SOX6: variants seen among roughly 807,000 people sequenced by gnomAD.
SOX6 encodes transcription factor SOX-6.
In SOX6, 11 loss-of-function variants were observed where a neutral mutation model predicts 97.8. The ratio of observed to expected loss-of-function variants is 0.11; its 90% CI spans 0.07 to 0.19. The LOEUF is 0.19. Ranked by LOEUF, SOX6 falls within the 10% of genes least tolerant of loss-of-function variation. SOX6 has a pLI of 1.00. For missense variants in SOX6, 810 were observed against 1,039.5 expected (o/e 0.78, Z 3.04); for synonymous variants, 360 against 371.4 (o/e 0.97, Z 0.35).
chr11:16,177,907 C>T (rs1299201970), intron 6 of SOX6, among the ~76,000 whole-genome samples: 1 of 151,896 alleles, frequency 6.6e-6, no homozygotes, highest in African/African-American at 2.4e-5. Flanking sequence ...ACTGGTTTCC[C>T]TGAATTTTTA....
intron 12 of SOX6, among the ~76,000 whole-genome samples, chr11:16,017,464 C>G (rs959032786): frequency 1.3e-5 from 2 of 151,954 alleles, no homozygotes; most frequent in African/African-American, 4.8e-5. Flanking sequence ...AAAGAAGGAC[C>G]CTGCAAAGCC....
intron 4 of SOX6, among the ~76,000 whole-genome samples, chr11:16,513,036 A>C (rs946145893): frequency 2.0e-5 from 3 of 152,210 alleles, no homozygotes; most frequent in Admixed American, 6.5e-5. Flanking sequence ...AACCTGAAAA[A>C]AGTAAATCAG....
chr11:16,346,203 T>C (rs2134349307), intron 1 of SOX6, among the ~76,000 whole-genome samples: 2 of 152,146 alleles, frequency 1.3e-5, no homozygotes, highest in South Asian at 4.1e-4. Flanking sequence ...CTTGAGCTGA[T>C]ATTGAGAAAT....
chr11:16,658,386 C>T (rs920473354), intron 3 of SOX6, among the ~76,000 whole-genome samples: 1 of 152,154 alleles, frequency 6.6e-6, no homozygotes, highest in African/African-American at 2.4e-5. Flanking sequence ...ATGTTCTATA[C>T]TAATCCTTTG....
chr11:16,484,110 G>A, intron 4 of SOX6: 1 of 770,458 alleles, frequency 1.3e-6, no homozygotes, highest in Non-Finnish European at 2.4e-6. Flanking sequence ...AGGTACAGGT[G>A]ACACTCAATC....
At chr11:16,239,391 C>A (rs776903599) in intron 3 of SOX6, among the ~76,000 whole-genome samples, 1 of 151,988 alleles carries the variant, frequency 6.6e-6, no homozygotes, top group Non-Finnish European at 1.5e-5. Context: ...TGTTTTCAGG[C>A]CTGCTCTTCA....
At chr11:16,381,696 C>T (rs549771555) in intron 1 of SOX6, among the ~76,000 whole-genome samples, 19 of 151,878 alleles carry the variant, frequency 1.3e-4, no homozygotes, top group African/African-American at 4.1e-4. Context: ...ATGCTTGAAA[C>T]CTTTTCTTTT....
intron 13 of SOX6, among the ~76,000 whole-genome samples, chr11:16,002,853 G>T (rs1181171490): frequency 6.6e-6 from 1 of 152,184 alleles, no homozygotes; most frequent in Non-Finnish European, 1.5e-5. Flanking sequence ...AAAGCAAGAT[G>T]AAGCAAGTCT....
intron 2 of SOX6, among the ~76,000 whole-genome samples, chr11:16,726,869 C>T (rs918088540): frequency 1.3e-5 from 2 of 152,112 alleles, no homozygotes; most frequent in African/African-American, 2.4e-5. Context: ...AGATATTAAC[C>T]GTGATAACCT....
chr11:15,986,347 G>A lies in SOX6; in HGVS notation c.2040C>T (p.Ile680=), dbSNP rs199839322. ...TATAGTTTGGGTACTTCTCTAAGTG[G>A]ATCTTGCTTAGCCGGGCCTGCTCTT... ...YYEEQARLSK[I]HLEKYPNYKY... is the part of the protein sequence containing the mutation. The change falls in exon 15 of 16, where the codon ATC becomes ATT. Residue 680 remains isoleucine, a synonymous_variant. Coordinates refer to ENST00000683767, the MANE Select transcript of SOX6 (RefSeq NM_001367873.1). The A allele has an allele frequency of 1.4e-5, 23 of 1,613,960 alleles. No individual in the cohort carries two copies. Among genetic ancestry groups the A allele is most frequent in the Middle Eastern group, 3.3e-4 (2 of 6,084 alleles).
At chr11:16,589,415 G>A (rs1167987503) in intron 4 of SOX6, among the ~76,000 whole-genome samples, 1 of 152,166 alleles carries the variant, frequency 6.6e-6, no homozygotes, top group East Asian at 1.9e-4. Flanking sequence ...GTAAAGAAAA[G>A]AGAATGATTG....
intron 1 of SOX6, among the ~76,000 whole-genome samples, chr11:16,443,006 T>A (rs1590205547): frequency 6.6e-6 from 1 of 152,134 alleles, no homozygotes; most frequent in African/African-American, 2.4e-5. Flanking sequence ...CTGCCCCACA[T>A]GCAGCAATCA....
intron 3 of SOX6, among the ~76,000 whole-genome samples, chr11:16,272,332 TC>T (rs2134231137): frequency 6.6e-6 from 1 of 151,746 alleles, no homozygotes; most frequent in South Asian, 2.1e-4. Flanking sequence ...TCTATCCACT[TC>T]ACAAATGATT....
chr11:16,404,514 A>G (rs141036935), intron 1 of SOX6, among the ~76,000 whole-genome samples: 108 of 152,052 alleles, frequency 7.1e-4, no homozygotes, highest in African/African-American at 2.5e-3. Flanking sequence ...ATAGAAAGCC[A>G]TTTTTTAAAA....
At chr11:16,001,484 T>C (rs535027993) in intron 13 of SOX6, among the ~76,000 whole-genome samples, 343 of 152,262 alleles carry the variant, frequency 2.3e-3, no homozygotes, top group African/African-American at 8.1e-3. Context: ...TTCTAGAACG[T>C]AGATCTTCTG....
chr11:16,218,158 T>C (rs963750468), intron 4 of SOX6, among the ~76,000 whole-genome samples: 1 of 152,162 alleles, frequency 6.6e-6, no homozygotes, highest in African/African-American at 2.4e-5. Context: ...ATTTTAATTT[T>C]CTAAACTGAT....
At position 15,986,285 on chromosome 11, in the gene SOX6, T is replaced by C; in HGVS notation, c.2102A>G (p.Asp701Gly). The C allele has an allele frequency of 6.2e-7, 1 of 1,614,160 alleles. No individual in the cohort carries two copies. Among genetic ancestry groups the C allele is most frequent in the Non-Finnish European group, 8.5e-7 (1 of 1,180,012 alleles). ...CTCCCCAATCCGAAGCTTTTTGCCATCAACAATGCAGGTGCGTTTCGGTCG... is the reference window on the plus strand; with the variant it reads ...CTCCCCAATCCGAAGCTTTTTGCCACCAACAATGCAGGTGCGTTTCGGTCG... Reference protein sequence around the residue: ...KPRPKRTCIVDGKKLRIGEYK... With the variant: ...KPRPKRTCIVGGKKLRIGEYK... Residue 701 changes from aspartate (D) to glycine (G), a missense_variant, in exon 15 of 16, where the codon GAT (aspartate) becomes GGT (glycine). Asp to Gly is a moderately conservative substitution (Grantham distance 94, BLOSUM62 -1). This residue lies in a region of SOX6 where 51 missense variants were observed against 145.7 expected (regional missense o/e 0.35). Transcript: ENST00000683767.
At chr11:16,455,596 G>A (rs1437617728) in intron 1 of SOX6, among the ~76,000 whole-genome samples, 1 of 151,978 alleles carries the variant, frequency 6.6e-6, no homozygotes, top group Admixed American at 6.6e-5. Context: ...TATTCAGACA[G>A]CTCAACAAAT....
intron 9 of SOX6, among the ~76,000 whole-genome samples, chr11:16,093,908 A>G (rs1218308324): frequency 1.3e-5 from 2 of 151,962 alleles, no homozygotes; most frequent in Admixed American, 6.6e-5. Flanking sequence ...AGATGTCCCA[A>G]TAAACATGCT....
Sources: gnomAD v4.1 joint callset for allele counts (sites outside exome capture counted in the v4.1 genomes callset) on GRCh38, gnomAD v4.1.1 for gene constraint, gnomAD v4.1.1 regional missense constraint, MANE v1.5 for transcripts, NCBI Gene and HGNC (gene_info 2026-07-23, HGNC 2026-07-21) for gene names.